The following DPP10 variants were observed in gnomAD, a reference collection of about 807,000 sequenced individuals.
DPP10 encodes the protein dipeptidyl peptidase like 10.
In DPP10, 33 loss-of-function variants were observed where a neutral mutation model predicts 120.9. The observed-to-expected ratio is 0.27, with a 90% CI of 0.21 to 0.37. The LOEUF is 0.37. DPP10 is among the 10% of genes least tolerant of loss of function. The pLI, the probability that DPP10 is intolerant of heterozygous loss-of-function variation, is 1.00. For synonymous variants in DPP10, 337 were observed against 326.1 expected (o/e 1.03, Z -0.36); for missense variants, 816 against 942.8 (o/e 0.87, Z 1.76).
intron 21 of DPP10, among the ~76,000 whole-genome samples, chr2:115,829,417 C>T (rs1040717682): frequency 2.0e-5 from 3 of 152,014 alleles, no homozygotes; most frequent in Non-Finnish European, 4.4e-5. Context: ...TTATAACATG[C>T]TTCATTATAA....
intron 1 of DPP10, among the ~76,000 whole-genome samples, chr2:114,844,296 C>T (rs1466305601): frequency 6.6e-6 from 1 of 152,026 alleles, no homozygotes; most frequent in Non-Finnish European, 1.5e-5. Context: ...ATAGTTTCCT[C>T]AAATGCTAAA....
Position 115,248,837 on chromosome 2 carries a change from A to T in DPP10, c.61-60402A>T, listed in dbSNP as rs756358712. On this transcript the variant is annotated intron_variant, in intron 1 of 25. Coordinates refer to ENST00000410059, the MANE Select transcript of DPP10 (RefSeq NM_020868.6). ...GTGTTAATGCACCATGTAACCGAGAAGATGAAGAAATCAAAGACATGTGAT... is the reference window on the plus strand; with the variant it reads ...GTGTTAATGCACCATGTAACCGAGATGATGAAGAAATCAAAGACATGTGAT... Among the ~76,000 whole-genome samples the T allele has an allele frequency of 8.5e-5, 13 of 152,174 alleles. 1 individual carries two copies. The highest frequency in any genetic ancestry group is 1.3e-4 in the Non-Finnish European group (9 of 68,020).
intron 1 of DPP10, among the ~76,000 whole-genome samples, chr2:114,797,346 G>C (rs6736929): frequency 0.51 from 77,492 of 151,918 alleles, 20,849 homozygotes; most frequent in East Asian, 0.78. Flanking sequence ...TAAAGATTTG[G>C]TCATCAGGGT....
intron 1 of DPP10, among the ~76,000 whole-genome samples, chr2:114,898,048 C>T (rs1240709078): frequency 1.3e-5 from 2 of 152,138 alleles, no homozygotes; most frequent in African/African-American, 2.4e-5. Context: ...CACATGCACA[C>T]GTATGTTTAT....
intron 5 of DPP10, among the ~76,000 whole-genome samples, chr2:115,546,984 A>G (rs1293864267): frequency 6.6e-6 from 1 of 152,204 alleles, no homozygotes; most frequent in Non-Finnish European, 1.5e-5. Flanking sequence ...GCCTGACAAG[A>G]AATGATATGG....
At chr2:115,014,297 G>A (rs1440254827) in intron 1 of DPP10, among the ~76,000 whole-genome samples, 1 of 152,078 alleles carries the variant, frequency 6.6e-6, no homozygotes, top group African/African-American at 2.4e-5. Flanking sequence ...TGAAACCAAT[G>A]AGAACAAAGA....
At chr2:115,286,526 A>AATATATATAT (rs1553538951) in intron 1 of DPP10, among the ~76,000 whole-genome samples, 2 of 60,946 alleles carry the variant, frequency 3.3e-5, no homozygotes, top group Admixed American at 4.3e-4. Context: ...ATATATATAT[A>AATATATATAT]ATATATATAT....
intron 1 of DPP10, among the ~76,000 whole-genome samples, chr2:114,763,508 T>C (rs1680455715): frequency 3.3e-5 from 5 of 152,350 alleles, no homozygotes; most frequent in Admixed American, 3.3e-4. Flanking sequence ...AATTTGTTTT[T>C]CTCCTGGTTT....
intron 1 of DPP10, among the ~76,000 whole-genome samples, chr2:114,565,324 A>G (rs748838672): frequency 2.0e-5 from 3 of 152,172 alleles, no homozygotes; most frequent in Admixed American, 6.5e-5. Context: ...GCAAATACCT[A>G]TTGGATTGGA....
At chr2:115,638,873 G>A (rs1341116952) in intron 5 of DPP10, among the ~76,000 whole-genome samples, 1 of 152,188 alleles carries the variant, frequency 6.6e-6, no homozygotes, top group South Asian at 2.1e-4. Context: ...TGAAGAGAAA[G>A]TGTTTAAGGG....
At chr2:114,844,737 A>T (rs1006475717) in intron 1 of DPP10, among the ~76,000 whole-genome samples, 6 of 151,922 alleles carry the variant, frequency 3.9e-5, no homozygotes, top group African/African-American at 1.4e-4. Flanking sequence ...TCATAGATAT[A>T]TACTATCAAC....
At chr2:115,261,470 C>A (rs529446349) in intron 1 of DPP10, among the ~76,000 whole-genome samples, 1 of 152,292 alleles carries the variant, frequency 6.6e-6, no homozygotes, top group East Asian at 1.9e-4. Flanking sequence ...ATTTGGCCTT[C>A]AGCATTTTTG....
chr2:114,785,817 A>C (rs1682717789), intron 1 of DPP10, among the ~76,000 whole-genome samples: 1 of 152,244 alleles, frequency 6.6e-6, no homozygotes, highest in Non-Finnish European at 1.5e-5. Flanking sequence ...TAGTTATTCC[A>C]CGTTAACCTG....
Position 115,343,854 on chromosome 2 carries a change from G to A in DPP10, c.213G>A (p.Leu71=). 6.2e-7 allele frequency: 1 copy of A among 1,611,960 alleles called. No homozygotes were observed. Among genetic ancestry groups the A allele is most frequent in the Non-Finnish European group, 8.5e-7 (1 of 1,178,962 alleles). ...LTNSSETRLS[L]EDLFRKDFVL... The stretch of plus-strand genomic sequence containing the variant: ...ATTCGTCAGAAACCAGATTGTCTTT[G>A]GAAGACCTCTTTAGGAAAGACTTTG... Residue 71 remains leucine, a synonymous_variant, in exon 3 of 26, where the codon TTG becomes TTA. Transcript: ENST00000410059.
intron 1 of DPP10, among the ~76,000 whole-genome samples, chr2:115,043,655 C>T (rs183189751): frequency 7.9e-4 from 120 of 152,252 alleles, no homozygotes; most frequent in Admixed American, 3.7e-3. Context: ...CTGCTGGTTA[C>T]ATCAGTACTC....
intron 2 of DPP10, among the ~76,000 whole-genome samples, chr2:115,330,451 T>C (rs1357480781): frequency 2.6e-5 from 4 of 151,890 alleles, no homozygotes; most frequent in Non-Finnish European, 5.9e-5. Context: ...AGATCCCATT[T>C]GTCAATTGTG....
intron 1 of DPP10, among the ~76,000 whole-genome samples, chr2:114,865,220 T>G (rs1351535703): frequency 6.6e-6 from 1 of 152,196 alleles, no homozygotes; most frequent in East Asian, 1.9e-4. Context: ...TGCAGGGATC[T>G]CAGAAGTAGG....
intron 1 of DPP10, among the ~76,000 whole-genome samples, chr2:114,914,811 C>T (rs10439394): frequency 0.54 from 81,617 of 152,074 alleles, 22,496 homozygotes; most frequent in African/African-American, 0.68. Flanking sequence ...GACCCATCTC[C>T]CATGCAATGA....
At chr2:114,918,363 T>A (rs2106636140) in intron 1 of DPP10, among the ~76,000 whole-genome samples, 1 of 152,260 alleles carries the variant, frequency 6.6e-6, no homozygotes, top group South Asian at 2.1e-4. Context: ...TATAAGTTAG[T>A]TTAACCACCA....
Sources: allele counts gnomAD v4.1 joint callset (sites outside exome capture counted in the v4.1 genomes callset), GRCh38; gene constraint gnomAD v4.1.1; transcripts MANE v1.5; gene names NCBI Gene and HGNC (gene_info 2026-07-23, HGNC 2026-07-21).